Variants in COL5A3 observed in about 807,000 individuals in gnomAD.
COL5A3 encodes the protein collagen alpha-3(V) chain.
In COL5A3, 172 loss-of-function variants were observed where a neutral mutation model predicts 250.0. That is an observed-to-expected ratio of 0.69 (90% CI 0.61 to 0.78). The LOEUF (loss-of-function observed/expected upper bound fraction) is 0.78. Among genes scored for constraint, COL5A3 ranks in the 30% least tolerant of loss-of-function variants. The pLI, the probability that COL5A3 is intolerant of heterozygous loss-of-function variation, is 0.00. For missense variants in COL5A3, 2,340 were observed against 2,334.4 expected (o/e 1.00, Z -0.05); for synonymous variants, 937 against 900.4 (o/e 1.04, Z -0.73).
At chr19:9,985,626 G>A (rs916251111) in intron 31 of COL5A3, among the ~76,000 whole-genome samples, 1 of 151,996 alleles carries the variant, frequency 6.6e-6, no homozygotes, top group South Asian at 2.1e-4. Flanking sequence ...GTCTGGTCTC[G>A]AACTCCTGGG....
rs747457041 is a variant in COL5A3, at chr19:9,971,192, G to A, written c.3828+13C>T. On this transcript the variant is annotated intron_variant, in intron 52 of 66. Coordinates refer to ENST00000264828, the MANE Select transcript of COL5A3 (RefSeq NM_015719.4). Reference sequence around the variant, plus strand: ...AGGAAATATGCCAGGATTGGGGAGGGGGTCACACTCACTGAAACTCCAGGG... The same window carrying A: ...AGGAAATATGCCAGGATTGGGGAGGAGGTCACACTCACTGAAACTCCAGGG... The A allele has an allele frequency of 1.3e-6, 2 of 1,557,612 alleles. No individual in the cohort carries two copies. Among genetic ancestry groups the A allele is most frequent in the South Asian group, 2.4e-5 (2 of 82,342 alleles).
At chr19:9,965,152 TTTTC>T (rs796726771) in intron 64 of COL5A3, among the ~76,000 whole-genome samples, 1 of 89,094 alleles carries the variant, frequency 1.1e-5, no homozygotes, top group Non-Finnish European at 2.6e-5. Context: ...TTTCTTTTCT[TTTTC>T]TTTTTTTTTT....
At chr19:10,005,754 AC>A (rs1332872667) in intron 3 of COL5A3, 40 bp from the exon 4 acceptor site, 9 of 1,598,168 alleles carry the variant, frequency 5.6e-6, no homozygotes, top group Non-Finnish European at 7.7e-6. Flanking sequence ...TTCTCACCCC[AC>A]CCCTTATCCA....
chr19:9,975,363 AGCCACC>A (rs1472622455), intron 45 of COL5A3, among the ~76,000 whole-genome samples: 1 of 152,112 alleles, frequency 6.6e-6, no homozygotes, highest in East Asian at 1.9e-4. Context: ...TACAGGCATG[AGCCACC>A]GCACCTGGCT....
intron 1 of COL5A3, among the ~76,000 whole-genome samples, chr19:10,007,363 C>T (rs1487553118): frequency 6.6e-6 from 1 of 152,224 alleles, no homozygotes; most frequent in Non-Finnish European, 1.5e-5. Flanking sequence ...TCTCCGATAA[C>T]CTCCAGACCT....
Position 9,982,102 on chromosome 19 carries a change from G to T in COL5A3, c.2423C>A (p.Pro808His). 1 of 1,605,634 alleles carries T rather than the reference G, an allele frequency of 6.2e-7. No homozygotes were observed. Among genetic ancestry groups the T allele is most frequent in the Non-Finnish European group, 8.5e-7 (1 of 1,176,142 alleles). The change falls in exon 32 of 67, where the codon CCC becomes CAC. Residue 808 changes from proline (P) to histidine (H), a missense_variant. By Grantham distance (77) the Pro-to-His change is moderately conservative. This residue lies in a region of COL5A3 where 1,152 missense variants were observed against 1,146.3 expected (regional missense o/e 1.00). Coordinates refer to ENST00000264828, the MANE Select transcript of COL5A3 (RefSeq NM_015719.4). ...CTCTCCTATGGGTCCCAGGGGACCGGGAAATCCAATAGATCCCTGAGTGGA... is the reference window on the plus strand; with the variant it reads ...CTCTCCTATGGGTCCCAGGGGACCGTGAAATCCAATAGATCCCTGAGTGGA... ...RPGPKGSIGF[P>H]GPLGPIGEKG...
chr19:9,970,177 GTGGGTGAGTGGGGT>G (rs1214911558), intron 54 of COL5A3, among the ~76,000 whole-genome samples: 8 of 94,486 alleles, frequency 8.5e-5, no homozygotes, highest in African/African-American at 3.2e-4. Flanking sequence ...AGTGGGGTCT[GTGGGTGAGTGGGGT>G]CTGTGGGTGA....
intron 54 of COL5A3, among the ~76,000 whole-genome samples, chr19:9,970,337 G>GA (rs1189355700): frequency 7.2e-6 from 1 of 137,938 alleles, no homozygotes; most frequent in Non-Finnish European, 1.6e-5. Context: ...GGGGTCTGTG[G>GA]GTGAGTGTGT....
In COL5A3 at chr19:10,009,161, G is replaced by GGTTGT. The variant is rs570427193; in HGVS notation, c.88+1136_88+1137insACAAC. 2.5e-3 allele frequency among the ~76,000 whole-genome samples: 353 copies of GGTTGT among 140,428 alleles called. 4 individuals are homozygous for GGTTGT. Among genetic ancestry groups the GGTTGT allele is most frequent in the South Asian group, 0.015 (62 of 4,196 alleles). The allele number at this position is 140,428 out of a possible 152,430, so 92.1% of individuals were successfully genotyped here. On this transcript the variant is annotated intron_variant, in intron 1 of 66. Coordinates refer to ENST00000264828, the MANE Select transcript of COL5A3 (RefSeq NM_015719.4). The surrounding 1 kb of genome is among the most constrained non-coding windows in gnomAD (Gnocchi z 4.4). Reference sequence around the variant, plus strand: ...GACTCCAAAGTAAGAAGTGTGCTGTGGTGTGTGTGTGTGTGTGTGTGTGTG... The same window carrying GGTTGT: ...GACTCCAAAGTAAGAAGTGTGCTGTGGTTGTGTGTGTGTGTGTGTGTGTGTGTGTG...
At chr19:10,001,162 T>C (rs1356026646) in intron 8 of COL5A3, among the ~76,000 whole-genome samples, 1 of 152,080 alleles carries the variant, frequency 6.6e-6, no homozygotes, top group Non-Finnish European at 1.5e-5. Flanking sequence ...GTTTTTTTTT[T>C]CAAGATGGAG....
In COL5A3 at chr19:9,977,701, C is replaced by G; in HGVS notation, c.3019G>C (p.Gly1007Arg). The change falls in exon 42 of 67, where the codon GGC (glycine) becomes CGC (arginine). Residue 1007 changes from glycine (G) to arginine (R), a missense_variant and splice_region_variant. Physicochemically the swap from Gly to Arg is moderately radical, Grantham distance 125 (BLOSUM62 -2). This residue lies in a region of COL5A3 where 1,179 missense variants were observed against 1,162.6 expected (regional missense o/e 1.01). Coordinates refer to ENST00000264828, the MANE Select transcript of COL5A3 (RefSeq NM_015719.4). ...KGPPGPVGAN[G>R]SPGERGPLGP... The stretch of plus-strand genomic sequence containing the variant: ...AAAGGACCGCGCTCACCAGGGGAGC[C>G]CTGAGAACAGGGGTGATGAATCAGG... The G allele has an allele frequency of 6.3e-7, 1 of 1,578,334 alleles. No homozygotes were observed. Among genetic ancestry groups the G allele is most frequent in the Non-Finnish European group, 8.6e-7 (1 of 1,163,836 alleles).
chr19:10,010,367 GGT>G lies in COL5A3; in HGVS notation c.17_18del (p.Asp6AlafsTer56). 1 of 1,455,774 alleles carries G rather than the reference GGT, an allele frequency of 6.9e-7. No homozygotes were observed. The highest frequency in any genetic ancestry group is 1.5e-5 in the African/African-American group (1 of 67,934). The allele number at this position is 1,455,774 out of a possible 1,614,324, so 90.2% of individuals were successfully genotyped here. On this transcript the variant is annotated frameshift_variant, in exon 1 of 67. Coordinates refer to ENST00000264828, the MANE Select transcript of COL5A3 (RefSeq NM_015719.4). LOFTEE classifies it high-confidence loss of function. MGNRRDLGQPRAGLCL... is the reference protein window; with the variant it reads MGNRRXLGQPRAGLCL... ...CAGAGACCGGCCCGCGGCTGGCCCA[GGT>G]CCCGGCGGTTCCCCATCCCGGCGGG...
chr19:9,966,269 GA>G (rs2086743328), intron 64 of COL5A3, 44 bp downstream of exon 64: 1 of 1,446,000 alleles, frequency 6.9e-7, no homozygotes, highest in East Asian at 2.3e-5. Flanking sequence ...GGGAGCAGGG[GA>G]CAGCACTTCC....
At chr19:9,965,266 T>C (rs2086726462) in intron 64 of COL5A3, among the ~76,000 whole-genome samples, 1 of 149,780 alleles carries the variant, frequency 6.7e-6, no homozygotes, top group African/African-American at 2.4e-5. Flanking sequence ...GCCATCCTCC[T>C]GCCTCAGCCT....
rs776820444 is a variant in COL5A3 at position 9,996,637 on chromosome 19, G to A, written c.1316C>T (p.Pro439Leu). 55 of 1,613,238 alleles carry A rather than the reference G, an allele frequency of 3.4e-5. No homozygotes were observed. Among genetic ancestry groups the A allele is most frequent in the Middle Eastern group, 1.6e-4 (1 of 6,066 alleles). Residue 439 changes from proline (P) to leucine (L), a missense_variant, in exon 12 of 67, where the codon CCG (proline) becomes CTG (leucine). Transcript: ENST00000264828. ...IPGIDGIRGP[P>L]GTVIMMPFQF... ...TACCGGCATCATGATCACAGTGCCC[G>A]GTGGGCCTCGGATCCCATCAATGCC...
At chr19:10,003,414 G>T in intron 6 of COL5A3, 151 bp downstream of exon 6, 2 of 771,334 alleles carry the variant, frequency 2.6e-6, no homozygotes, top group Non-Finnish European at 4.2e-6. Context: ...AGAGCTCATG[G>T]ATCCGAGACC....
chr19:9,999,469 C>CTTTTTTTTTTTT (rs530527039), intron 8 of COL5A3, among the ~76,000 whole-genome samples: 27 of 120,394 alleles, frequency 2.2e-4, no homozygotes, highest in African/African-American at 8.6e-4. Context: ...TTTCTTTTTT[C>CTTTTTTTTTTTT]TTTTTTTTTT....
intron 65 of COL5A3, 38 bp downstream of exon 65, chr19:9,962,781 T>A: frequency 2.0e-6 from 3 of 1,516,874 alleles, no homozygotes; most frequent in Non-Finnish European, 2.7e-6. Context: ...TTCCCATCAA[T>A]TTTCATGTCA....
chr19:9,969,619 CA>C lies in COL5A3; in HGVS notation c.4053del (p.Gly1352AspfsTer41). ...CGAAGACCCTCAGGCCCCACACGTC[CA>C]GGGGGCCCTCTAGCCCCCATTGGAC... Reference protein sequence around the residue: ...RTGPMGARGPPGRVGPEGLRG... With the variant: ...RTGPMGARGPXGRVGPEGLRG... On this transcript the variant is annotated frameshift_variant, in exon 56 of 67. Coordinates refer to ENST00000264828, the MANE Select transcript of COL5A3 (RefSeq NM_015719.4). LOFTEE classifies it high-confidence loss of function. 1 of 1,602,270 alleles carries C rather than the reference CA, an allele frequency of 6.2e-7. No homozygotes were observed. The highest frequency in any genetic ancestry group is 8.5e-7 in the Non-Finnish European group (1 of 1,176,950).
Sources: gnomAD v4.1 joint callset for allele counts (sites outside exome capture counted in the v4.1 genomes callset) on GRCh38, gnomAD v4.1.1 for gene constraint, gnomAD v4.1.1 regional missense constraint, Gnocchi (gnomAD v3.1) non-coding constraint, MANE v1.5 for transcripts, NCBI Gene and HGNC (gene_info 2026-07-23, HGNC 2026-07-21) for gene names.